The following TEX11 variants were observed in gnomAD, a reference collection of about 807,000 sequenced individuals.
The protein encoded by TEX11 is testis-expressed protein 11.
In TEX11, 7 loss-of-function variants were observed where a neutral mutation model predicts 84.4. The ratio of observed to expected loss-of-function variants is 0.08; its 90% CI spans 0.05 to 0.16. The LOEUF (loss-of-function observed/expected upper bound fraction) is 0.16. Among genes scored for constraint, TEX11 ranks in the 10% least tolerant of loss-of-function variants. The pLI is 1.00. For missense variants in TEX11, 551 were observed against 660.5 expected (o/e 0.83, Z 1.82); for synonymous variants, 264 against 222.8 (o/e 1.18, Z -1.64).
At chrX:70,691,055 C>A (rs1273314388) in intron 13 of TEX11, among the ~76,000 whole-genome samples, 1 of 111,941 alleles carries the variant, frequency 8.9e-6, no homozygotes, top group Non-Finnish European at 1.9e-5. Context: ...CCAAAGAAAA[C>A]ATACAAATAG....
chrX:70,834,524 G>A (rs1392239303), intron 7 of TEX11, among the ~76,000 whole-genome samples: 2 of 111,645 alleles, frequency 1.8e-5, no homozygotes, highest in African/African-American at 6.5e-5. Flanking sequence ...GGGAGGCCAA[G>A]GTGGGTGGAT....
intron 2 of TEX11, among the ~76,000 whole-genome samples, chrX:70,887,539 C>T (rs1226446212): frequency 8.9e-6 from 1 of 112,076 alleles, no homozygotes; most frequent in Non-Finnish European, 1.9e-5. Flanking sequence ...GTTTCAACAC[C>T]AGCTCAACCA....
At chrX:70,537,503 G>A (rs1265389450) in intron 28 of TEX11, among the ~76,000 whole-genome samples, 2 of 105,394 alleles carry the variant, frequency 1.9e-5, no homozygotes, top group African/African-American at 3.5e-5. Flanking sequence ...GAGAAAGAGA[G>A]AAGGAAGGGG....
intron 25 of TEX11, among the ~76,000 whole-genome samples, chrX:70,569,659 G>T (rs1373584009): frequency 8.9e-6 from 1 of 111,967 alleles, no homozygotes; most frequent in Non-Finnish European, 1.9e-5. Flanking sequence ...GTTGGAGTTT[G>T]CTAGAGGTCC....
At chrX:70,869,977 G>A (rs764080387) in intron 4 of TEX11, among the ~76,000 whole-genome samples, 1 of 111,598 alleles carries the variant, frequency 9.0e-6, no homozygotes, top group South Asian at 3.8e-4. Context: ...CTTTGTTGCT[G>A]TTGCTCCATC....
intron 9 of TEX11, among the ~76,000 whole-genome samples, chrX:70,760,301 A>G (rs1292968795): frequency 8.9e-6 from 1 of 111,986 alleles, no homozygotes; most frequent in Non-Finnish European, 1.9e-5. Flanking sequence ...AGCCCACATT[A>G]CCAAGACAAT....
chrX:70,547,599 G>T (rs2147941834), intron 28 of TEX11, among the ~76,000 whole-genome samples: 1 of 111,742 alleles, frequency 8.9e-6, no homozygotes, highest in East Asian at 2.8e-4. Flanking sequence ...CCATTAAAAA[G>T]TGGGCAAAGG....
chrX:70,851,851 A>G (rs2091510313), intron 7 of TEX11, among the ~76,000 whole-genome samples: 1 of 111,998 alleles, frequency 8.9e-6, no homozygotes, highest in Admixed American at 9.6e-5. Context: ...GAAAACAATT[A>G]TGCTAAATGA....
intron 2 of TEX11, 140 bp downstream of exon 2, chrX:70,907,613 C>T (rs931846856): frequency 4.5e-6 from 2 of 443,596 alleles, no homozygotes; most frequent in Non-Finnish European, 8.1e-6. Context: ...AGGCTGGTCT[C>T]GAGCCCCTGA....
At chrX:70,693,447 C>T (rs1166451239) in intron 13 of TEX11, among the ~76,000 whole-genome samples, 1 of 110,869 alleles carries the variant, frequency 9.0e-6, no homozygotes, top group Non-Finnish European at 1.9e-5. Flanking sequence ...AAAGAAATTC[C>T]CTCATTTACA....
Position 70,590,779 on chromosome X carries a change from C to T in TEX11, c.2140+972G>A, listed in dbSNP as rs368873238. ...TTATTTATTTTGAGACAGAGTTTCG[C>T]TCTTGTTGCCCAGGCTGGAGTGCAA... On this transcript the variant is annotated intron_variant, in intron 25 of 29. Coordinates refer to ENST00000374333, the MANE Select transcript of TEX11 (RefSeq NM_031276.3). Among the ~76,000 whole-genome samples, 3 of 111,652 alleles carry T rather than the reference C, an allele frequency of 2.7e-5. No homozygotes were observed. The East Asian group carries it at 8.4e-4, about 31-fold the overall frequency.
intron 11 of TEX11, among the ~76,000 whole-genome samples, chrX:70,732,541 C>A (rs1339260840): frequency 9.0e-6 from 1 of 111,608 alleles, no homozygotes; most frequent in Non-Finnish European, 1.9e-5. Context: ...TGAGTGAACT[C>A]CCATTCACAG....
At chrX:70,616,887 C>T (rs1045020900) in intron 20 of TEX11, among the ~76,000 whole-genome samples, 1 of 110,554 alleles carries the variant, frequency 9.0e-6, no homozygotes, top group Non-Finnish European at 1.9e-5. Flanking sequence ...GGAAGGGTTG[C>T]GGGGGGTAGA....
intron 14 of TEX11, among the ~76,000 whole-genome samples, chrX:70,679,678 T>G (rs2090119107): frequency 9.3e-6 from 1 of 107,191 alleles, no homozygotes. Context: ...AGCCACCCCG[T>G]CTGGGAAGTG....
chrX:70,623,627 T>C (rs2089419381), intron 20 of TEX11, among the ~76,000 whole-genome samples: 1 of 112,207 alleles, frequency 8.9e-6, no homozygotes, highest in Non-Finnish European at 1.9e-5. Flanking sequence ...TAACTTATAC[T>C]CTCGTTTCTC....
intron 24 of TEX11, 117 bp from the exon 25 acceptor site, chrX:70,591,940 T>G: frequency 8.1e-6 from 4 of 494,931 alleles, no homozygotes; most frequent in Non-Finnish European, 1.3e-5. Context: ...AATAGAAAAA[T>G]GATAGTTTAA....
chrX:70,831,651 C>T lies in TEX11; in HGVS notation c.606+1862G>A, dbSNP rs144145946. Among the ~76,000 whole-genome samples the T allele has an allele frequency of 7.1e-3, 789 of 110,648 alleles. 7 individuals are homozygous for T. The highest frequency in any genetic ancestry group is 0.025 in the African/African-American group (750 of 30,482). On this transcript the variant is annotated intron_variant, in intron 8 of 29. Transcript: ENST00000374333. Reference sequence around the variant, plus strand: ...TCTTCAAATAAAAGGGGAGGGGTTACAAAGTTTCATTTAGGCCGTATGAAT... The same window carrying T: ...TCTTCAAATAAAAGGGGAGGGGTTATAAAGTTTCATTTAGGCCGTATGAAT...
At chrX:70,881,316 G>C (rs1201901123) in intron 2 of TEX11, among the ~76,000 whole-genome samples, 1 of 98,718 alleles carries the variant, frequency 1.0e-5, no homozygotes, top group African/African-American at 4.0e-5. Flanking sequence ...AACAGAGCAA[G>C]ACTGTGTCTC....
At chrX:70,833,662 G>T in intron 7 of TEX11, 69 bp from the exon 8 acceptor site, 1 of 915,234 alleles carries the variant, frequency 1.1e-6, no homozygotes, top group Non-Finnish European at 1.6e-6. Context: ...GTCAATTTTA[G>T]CATATTTTAA....
Sources: gnomAD v4.1 joint callset for allele counts (sites outside exome capture counted in the v4.1 genomes callset) on GRCh38, gnomAD v4.1.1 for gene constraint, MANE v1.5 for transcripts, NCBI Gene and HGNC (gene_info 2026-07-23, HGNC 2026-07-21) for gene names.